The following TTC23L variants were observed in gnomAD, a reference collection of about 807,000 sequenced individuals.
The protein encoded by TTC23L is tetratricopeptide repeat domain 23 like.
A neutral mutation model predicts 48.1 loss-of-function variants in TTC23L; 42 were observed. The observed-to-expected ratio is 0.87, with a 90% CI of 0.68 to 1.13. The LOEUF is 1.13. Among genes scored for constraint, TTC23L ranks in the 50% most tolerant of loss-of-function variants. The pLI, the probability that TTC23L is intolerant of heterozygous loss-of-function variation, is 0.00. For missense variants in TTC23L, 391 were observed against 421.0 expected (o/e 0.93, Z 0.62); for synonymous variants, 159 against 157.2 (o/e 1.01, Z -0.09).
At chr5:34,846,144 A>G (rs1484766253) in intron 3 of TTC23L, among the ~76,000 whole-genome samples, 1 of 152,168 alleles carries the variant, frequency 6.6e-6, no homozygotes, top group African/African-American at 2.4e-5. Context: ...GTGATTGTGC[A>G]ACTGCACTCC....
At chr5:34,908,729 A>G in the TTC23L span, 7 of 1,516,186 alleles carry the variant, frequency 4.6e-6, no homozygotes, top group Non-Finnish European at 6.3e-6. Context: ...TTCATCTATC[A>G]TAAATGTACA....
chr5:34,858,158 C>G (rs951722836), intron 4 of TTC23L, among the ~76,000 whole-genome samples: 3 of 152,210 alleles, frequency 2.0e-5, no homozygotes, highest in African/African-American at 7.2e-5. Context: ...TGCTGCCCCT[C>G]TGCCTTGTAC....
chr5:34,886,969 T>A (rs1296717977), intron 9 of TTC23L, among the ~76,000 whole-genome samples: 2 of 152,096 alleles, frequency 1.3e-5, no homozygotes, highest in Non-Finnish European at 2.9e-5. Flanking sequence ...GTTCAACCAG[T>A]CAGTGTACTG....
intron 3 of TTC23L, among the ~76,000 whole-genome samples, chr5:34,848,421 G>T (rs1283414481): frequency 6.6e-6 from 1 of 152,154 alleles, no homozygotes; most frequent in African/African-American, 2.4e-5. Flanking sequence ...TGTGTACTGG[G>T]CAGATAACAG....
chr5:34,903,745 A>G (rs151282807), downstream of TTC23L, among the ~76,000 whole-genome samples: 1 of 152,268 alleles, frequency 6.6e-6, no homozygotes, highest in African/African-American at 2.4e-5. Context: ...AATTCAACCA[A>G]TCTGGATAAC....
chr5:34,888,527 C>T (rs2111765525), intron 9 of TTC23L: 2 of 985,298 alleles, frequency 2.0e-6, no homozygotes. Flanking sequence ...CCTCCTTACC[C>T]TGTGGCAGAG....
chr5:34,840,706 G>A, exon 2 of TTC23L: 1 of 1,613,988 alleles, frequency 6.2e-7, no homozygotes, highest in South Asian at 1.1e-5. Context: ...CCAACTGTTA[G>A]CAATGACATC....
At chr5:34,875,113 G>A (rs1761736039) in intron 8 of TTC23L, among the ~76,000 whole-genome samples, 1 of 152,114 alleles carries the variant, frequency 6.6e-6, no homozygotes, top group Admixed American at 6.5e-5. Context: ...GGACAAAGAG[G>A]GGCATTACAT....
chr5:34,900,978 A>G (rs1763495282), downstream of TTC23L, among the ~76,000 whole-genome samples: 1 of 152,166 alleles, frequency 6.6e-6, no homozygotes, highest in Non-Finnish European at 1.5e-5. Flanking sequence ...TTATGTGGCT[A>G]TGATTTAACC....
the TTC23L span, chr5:34,922,438 T>G: frequency 1.9e-5 from 17 of 915,714 alleles, no homozygotes; most frequent in Non-Finnish European, 2.9e-5. Flanking sequence ...TAAAGAAAAT[T>G]AAATGTATAA....
In TTC23L at chr5:34,866,886, T is replaced by C; in HGVS notation, c.663-6T>C. Reference sequence around the variant, plus strand: ...TGACTTTCTATTTTCATCCCTTTTCTTGCAGAGCCTCCTTGGCCATCCACA... The same window carrying C: ...TGACTTTCTATTTTCATCCCTTTTCCTGCAGAGCCTCCTTGGCCATCCACA... On this transcript the variant is annotated splice_polypyrimidine_tract_variant and splice_region_variant and intron_variant, in intron 6 of 10. Coordinates refer to ENST00000505624, the Ensembl canonical transcript of TTC23L. 3 of 1,577,976 alleles carry C rather than the reference T, an allele frequency of 1.9e-6. No individual in the cohort carries two copies. Among genetic ancestry groups the C allele is most frequent in the Non-Finnish European group, 2.6e-6 (3 of 1,157,000 alleles).
chr5:34,877,575 C>A (rs1036479580), intron 8 of TTC23L, among the ~76,000 whole-genome samples: 1 of 152,094 alleles, frequency 6.6e-6, no homozygotes, highest in African/African-American at 2.4e-5. Flanking sequence ...AGGCACCTGC[C>A]ACCATGCCTG....
chr5:34,923,708 A>G, the TTC23L span, among the ~76,000 whole-genome samples: 342 of 152,280 alleles, frequency 2.2e-3, 1 homozygote, highest in Non-Finnish European at 2.3e-3. Context: ...TGCCTGGTCA[A>G]TTTTTAGTTA....
At chr5:34,905,424 A>G in the TTC23L span, 1 of 152,222 alleles carries the variant, frequency 6.6e-6, no homozygotes, top group Admixed American at 6.5e-5. Flanking sequence ...TTTTACTAGG[A>G]CTTTGGTAAC....
intron 2 of TTC23L, among the ~76,000 whole-genome samples, chr5:34,844,817 A>G (rs1758976001): frequency 6.6e-6 from 1 of 151,790 alleles, no homozygotes; most frequent in Non-Finnish European, 1.5e-5. Flanking sequence ...AACTAGGGAT[A>G]TTTCTCCTCT....
At position 34,849,721 on chromosome 5, in the gene TTC23L, A is replaced by G. The variant is rs185691952; in HGVS notation, c.256-464A>G. Among the ~76,000 whole-genome samples, 44 of 152,334 alleles carry G rather than the reference A, an allele frequency of 2.9e-4. 1 individual carries two copies. In the East Asian group the frequency reaches 7.3e-3, roughly 25 times the overall value. On this transcript the variant is annotated intron_variant, in intron 3 of 10. Transcript: ENST00000505624. ...ACAATGGAATGTCTGATTTGCTTCAATTTAAGGTGAGGATGGGTGGATGAG... is the reference window on the plus strand; with the variant it reads ...ACAATGGAATGTCTGATTTGCTTCAGTTTAAGGTGAGGATGGGTGGATGAG...
At chr5:34,893,466 G>A (rs1183617815) in intron 9 of TTC23L, among the ~76,000 whole-genome samples, 2 of 152,146 alleles carry the variant, frequency 1.3e-5, no homozygotes, top group Non-Finnish European at 2.9e-5. Context: ...ACATACATGT[G>A]AAACAAGAAG....
the TTC23L span, chr5:34,922,397 A>G: frequency 2.2e-6 from 2 of 914,066 alleles, no homozygotes; most frequent in African/African-American, 1.7e-5. Context: ...AGAATGAAGC[A>G]AACTTTTGAT....
the TTC23L span, chr5:34,915,725 G>A: frequency 6.3e-7 from 1 of 1,593,676 alleles, no homozygotes; most frequent in Non-Finnish European, 8.5e-7. Flanking sequence ...CAAGAGCGCG[G>A]GCGGCGAGGC....
Sources: allele counts gnomAD v4.1 joint callset (sites outside exome capture counted in the v4.1 genomes callset), GRCh38; gene constraint gnomAD v4.1.1; transcripts MANE v1.5; gene names NCBI Gene and HGNC (gene_info 2026-07-23, HGNC 2026-07-21).